HECW1: variants seen among roughly 807,000 people sequenced by gnomAD.
The protein encoded by HECW1 is E3 ubiquitin-protein ligase HECW1.
HECW1 carries 61 observed loss-of-function variants against 182.3 expected under a neutral mutation model. That is an observed-to-expected ratio of 0.33 (90% CI 0.27 to 0.41). HECW1 has a LOEUF of 0.41. HECW1 is among the 10% of genes least tolerant of loss of function. HECW1 has a pLI of 1.00. For synonymous variants in HECW1, 859 were observed against 832.6 expected, an observed-to-expected ratio of 1.03 and a Z score of -0.55; for missense variants, 1,739 against 2,108.9, an observed-to-expected ratio of 0.82 and a Z score of 3.44.
intron 5 of HECW1, 66 bp from the exon 6 acceptor site, chr7:43,360,820 T>C (rs1362711426): frequency 1.2e-5 from 14 of 1,150,834 alleles, no homozygotes; most frequent in Admixed American, 1.2e-4. Flanking sequence ...ATGTCCTCTG[T>C]GGCCATAGCT....
intron 24 of HECW1, among the ~76,000 whole-genome samples, chr7:43,512,821 G>T (rs1382055631): frequency 6.6e-6 from 1 of 152,122 alleles, no homozygotes; most frequent in East Asian, 1.9e-4. Flanking sequence ...TCCATTATAA[G>T]GCTTCAAAGG....
At chr7:43,473,528 C>T (rs1216859832) in intron 16 of HECW1, among the ~76,000 whole-genome samples, 4 of 151,460 alleles carry the variant, frequency 2.6e-5, no homozygotes, top group African/African-American at 9.7e-5. Context: ...TGCTTTAAAA[C>T]ATATTGGAAA....
intron 2 of HECW1, among the ~76,000 whole-genome samples, chr7:43,206,923 T>C (rs950063735): frequency 3.3e-5 from 5 of 152,266 alleles, no homozygotes; most frequent in Admixed American, 3.3e-4. Flanking sequence ...TTGCTAAATA[T>C]ATAATTCTAG....
chr7:43,259,150 G>A (rs1417783872), intron 3 of HECW1, among the ~76,000 whole-genome samples: 3 of 152,170 alleles, frequency 2.0e-5, no homozygotes, highest in African/African-American at 4.8e-5. Flanking sequence ...ACCTTGGGAG[G>A]CAGAGGAGGG....
chr7:43,318,709 C>T (rs1408683715), intron 4 of HECW1, among the ~76,000 whole-genome samples: 2 of 152,232 alleles, frequency 1.3e-5, no homozygotes, highest in African/African-American at 4.8e-5. Context: ...CATCTCTTGT[C>T]TGTTTTCTCA....
At chr7:43,169,864 C>T (rs903097318) in intron 2 of HECW1, among the ~76,000 whole-genome samples, 1 of 152,006 alleles carries the variant, frequency 6.6e-6, no homozygotes, top group African/African-American at 2.4e-5. Flanking sequence ...ATGCCAATTC[C>T]CCACCCCCAG....
At position 43,479,785 on chromosome 7, in the gene HECW1, A is replaced by G. The variant is rs759266345; in HGVS notation, c.3234+41A>G. Reference sequence around the variant, plus strand: ...CCCCGCCCTACTGTTCACCGGTCACAGTCTCTGCCTCTTCCATGGGAGCAG... The same window carrying G: ...CCCCGCCCTACTGTTCACCGGTCACGGTCTCTGCCTCTTCCATGGGAGCAG... On this transcript the variant is annotated intron_variant, in intron 17 of 29. Transcript: ENST00000395891. The G allele has an allele frequency of 3.7e-6, 6 of 1,611,050 alleles. No individual in the cohort carries two copies. The South Asian group carries it at 6.6e-5, about 18-fold the overall frequency.
At chr7:43,451,040 A>C in intron 12 of HECW1, 111 bp downstream of exon 12, 1 of 737,212 alleles carries the variant, frequency 1.4e-6, no homozygotes, top group Non-Finnish European at 2.3e-6. Flanking sequence ...CGTGCCTTAC[A>C]GTGTTAACAA....
At chr7:43,203,367 T>C (rs920950526) in intron 2 of HECW1, among the ~76,000 whole-genome samples, 1 of 152,052 alleles carries the variant, frequency 6.6e-6, no homozygotes, top group Non-Finnish European at 1.5e-5. Flanking sequence ...TATTATTTCT[T>C]TTCCTTCTTC....
At chr7:43,263,180 T>G (rs966835158) in intron 3 of HECW1, among the ~76,000 whole-genome samples, 1 of 152,236 alleles carries the variant, frequency 6.6e-6, no homozygotes, top group Non-Finnish European at 1.5e-5. Flanking sequence ...GAAACAGGAA[T>G]TTTATTGAAG....
At chr7:43,242,558 G>A (rs1798987308) in intron 2 of HECW1, among the ~76,000 whole-genome samples, 1 of 152,308 alleles carries the variant, frequency 6.6e-6, no homozygotes, top group Admixed American at 6.5e-5. Flanking sequence ...GTGCTTGGGT[G>A]GCTGCGCAAA....
At chr7:43,335,624 A>C (rs1045918261) in intron 5 of HECW1, among the ~76,000 whole-genome samples, 7 of 152,270 alleles carry the variant, frequency 4.6e-5, no homozygotes, top group African/African-American at 1.7e-4. Flanking sequence ...TTTTTATAGC[A>C]GTCCAAAATG....
At chr7:43,299,616 G>C (rs144040333) in intron 3 of HECW1, among the ~76,000 whole-genome samples, 236 of 152,288 alleles carry the variant, frequency 1.5e-3, no homozygotes, top group African/African-American at 5.1e-3. Flanking sequence ...TTAGCTGTGT[G>C]GAAAATGTCA....
rs538955803 is a variant in HECW1, at chr7:43,464,849, C to G, written c.2791+1050C>G. 1.2e-4 allele frequency among the ~76,000 whole-genome samples: 18 copies of G among 152,206 alleles called. No homozygotes were observed. In the East Asian group the frequency reaches 3.5e-3, roughly 29 times the overall value. On this transcript the variant is annotated intron_variant, in intron 14 of 29. Coordinates refer to ENST00000395891, the MANE Select transcript of HECW1 (RefSeq NM_015052.5). Reference sequence around the variant, plus strand: ...ACAGAGTCTCTCTTTTTCACCCAGGCTGGAGTGCATGGTGCGATCATAGCT... The same window carrying G: ...ACAGAGTCTCTCTTTTTCACCCAGGGTGGAGTGCATGGTGCGATCATAGCT...
chr7:43,280,805 C>T (rs541778682), intron 3 of HECW1, among the ~76,000 whole-genome samples: 1 of 152,216 alleles, frequency 6.6e-6, no homozygotes, highest in South Asian at 2.1e-4. Context: ...GAACCCCAGC[C>T]AACTATATCC....
chr7:43,381,990 A>G (rs1027392784), intron 6 of HECW1, among the ~76,000 whole-genome samples: 1 of 151,968 alleles, frequency 6.6e-6, no homozygotes, highest in African/African-American at 2.4e-5. Flanking sequence ...ATTTATAATG[A>G]TATGGATAGA....
intron 7 of HECW1, among the ~76,000 whole-genome samples, chr7:43,397,716 G>C (rs1419723465): frequency 2.0e-5 from 3 of 152,154 alleles, no homozygotes; most frequent in African/African-American, 7.2e-5. Flanking sequence ...TTGTCATAAG[G>C]TCAATTGATC....
Position 43,274,595 on chromosome 7 carries a change from C to T in HECW1, c.27+30663C>T, listed in dbSNP as rs563741968. 6.0e-4 allele frequency: 267 copies of T among 445,174 alleles called. 1 individual carries two copies. Among genetic ancestry groups the T allele is most frequent in the South Asian group, 4.8e-3 (262 of 54,248 alleles). The allele number at this position is 445,174 out of a possible 1,614,324, so 27.6% of individuals were successfully genotyped here. ...CATCTTCTTTTAGGTGCAGGTTCCTCGCCCCGGGTGTGCCCCAAATAAACT... is the reference window on the plus strand; with the variant it reads ...CATCTTCTTTTAGGTGCAGGTTCCTTGCCCCGGGTGTGCCCCAAATAAACT... On this transcript the variant is annotated intron_variant, in intron 3 of 29. Coordinates refer to ENST00000395891, the MANE Select transcript of HECW1 (RefSeq NM_015052.5).
intron 5 of HECW1, among the ~76,000 whole-genome samples, chr7:43,328,464 G>A (rs1261483615): frequency 6.6e-6 from 1 of 152,208 alleles, no homozygotes; most frequent in Non-Finnish European, 1.5e-5. Context: ...GCTGGTCCCT[G>A]TCTGAACTGC....
Sources: gnomAD v4.1 joint callset for allele counts (sites outside exome capture counted in the v4.1 genomes callset) on GRCh38, gnomAD v4.1.1 for gene constraint, MANE v1.5 for transcripts, NCBI Gene and HGNC (gene_info 2026-07-23, HGNC 2026-07-21) for gene names.